NRROS: variants seen among roughly 807,000 people sequenced by gnomAD.
NRROS encodes the protein negative regulator of reactive oxygen species.
NRROS carries 6 observed loss-of-function variants against 12.0 expected under a neutral mutation model. The observed-to-expected ratio is 0.50, with a 90% CI of 0.27 to 0.98. The LOEUF is 0.98. Ranked by LOEUF, NRROS falls within the 50% of genes least tolerant of loss-of-function variation. NRROS has a pLI of 0.11. For synonymous variants in NRROS, 462 were observed against 410.2 expected (o/e 1.13, Z -1.53); for missense variants, 857 against 888.2 (o/e 0.96, Z 0.45).
intron 1 of NRROS, among the ~76,000 whole-genome samples, chr3:196,649,335 C>T (rs1362517016): frequency 6.6e-6 from 1 of 152,214 alleles, no homozygotes; most frequent in Non-Finnish European, 1.5e-5. Context: ...AAGGCAGACT[C>T]CCTTTCTTGT....
rs769994321 is a variant in NRROS at position 196,654,590 on chromosome 3, G to A, written c.51G>A (p.Val17=). The A allele has an allele frequency of 6.2e-6, 10 of 1,614,122 alleles. No homozygotes were observed. Among genetic ancestry groups the A allele is most frequent in the African/African-American group, 4.0e-5 (3 of 75,036 alleles). The change falls in exon 2 of 3, where the codon GTG becomes GTA. Residue 17 remains valine, a synonymous_variant. Coordinates refer to ENST00000328557, the MANE Select transcript of NRROS (RefSeq NM_198565.3). This position sits in a 1 kb window ranked among gnomAD's most constrained non-coding sequence, Gnocchi z 4.4. ...GCCTGGGTTTTCACTTCCTGACCGTGGGCTGGAGGAACAGAAGCGGAACAG... is the reference window on the plus strand; with the variant it reads ...GCCTGGGTTTTCACTTCCTGACCGTAGGCTGGAGGAACAGAAGCGGAACAG... ...WLCLGFHFLT[V]GWRNRSGTAT...
chr3:196,644,194 C>T (rs1392882275), intron 1 of NRROS, among the ~76,000 whole-genome samples: 1 of 152,196 alleles, frequency 6.6e-6, no homozygotes. Flanking sequence ...AGGCCTCTGA[C>T]AGCCCCCGTC....
At position 196,659,979 on chromosome 3, in the gene NRROS, G is replaced by T; in HGVS notation, c.336G>T (p.Leu112=). 6.2e-7 allele frequency: 1 copy of T among 1,613,754 alleles called. No individual in the cohort carries two copies. Among genetic ancestry groups the T allele is most frequent in the Non-Finnish European group, 8.5e-7 (1 of 1,179,864 alleles). ...QEQGHLRSLV[L]GDNCLSENYE... is the part of the protein sequence containing the mutation. ...AAGGTCACCTGCGCAGCCTGGTCCTGGGGGACAACTGCCTCTCAGAGAACT... is the reference window on the plus strand; with the variant it reads ...AAGGTCACCTGCGCAGCCTGGTCCTTGGGGACAACTGCCTCTCAGAGAACT... The change falls in exon 3 of 3, where the codon CTG becomes CTT. Residue 112 remains leucine (L), a synonymous_variant. Coordinates refer to ENST00000328557, the MANE Select transcript of NRROS (RefSeq NM_198565.3).
intron 1 of NRROS, among the ~76,000 whole-genome samples, chr3:196,648,934 T>G (rs1368132408): frequency 6.6e-6 from 1 of 152,162 alleles, no homozygotes; most frequent in Non-Finnish European, 1.5e-5. Context: ...GCCAGTTACC[T>G]TGCAGGACGT....
chr3:196,653,428 C>T (rs989099107), intron 1 of NRROS, among the ~76,000 whole-genome samples: 1 of 152,234 alleles, frequency 6.6e-6, no homozygotes, highest in African/African-American at 2.4e-5. Context: ...GTGGCTGGAG[C>T]GAGCAGGTGG....
intron 1 of NRROS, among the ~76,000 whole-genome samples, chr3:196,640,761 C>T (rs1050278801): frequency 2.0e-5 from 3 of 152,088 alleles, no homozygotes; most frequent in South Asian, 2.1e-4. Flanking sequence ...TTGGTGGCTG[C>T]GACTGGAGGA....
In NRROS at chr3:196,658,874, A is replaced by G. The variant is rs140516787; in HGVS notation, c.109-878A>G. Reference sequence around the variant, plus strand: ...AATCCCAGCTACTCGGGAGGCTGAAACAGGAGAATTGCTCGAACCCAGGAG... The same window carrying G: ...AATCCCAGCTACTCGGGAGGCTGAAGCAGGAGAATTGCTCGAACCCAGGAG... On this transcript the variant is annotated intron_variant, in intron 2 of 2. Transcript: ENST00000328557. Among the ~76,000 whole-genome samples the G allele has an allele frequency of 1.1e-3, 162 of 152,184 alleles. 1 individual carries two copies. In the East Asian group the frequency reaches 0.022, roughly 21 times the overall value.
rs1338859509 is a variant in NRROS at position 196,654,558 on chromosome 3, T to C, written c.19T>C (p.Trp7Arg). 2 of 1,613,776 alleles carry C rather than the reference T, an allele frequency of 1.2e-6. No homozygotes were observed. The highest frequency in any genetic ancestry group is 1.7e-5 in the Admixed American group (1 of 60,006). ...CCTTGAGATGGAGTTGCTGCCTCTT[T>C]GGCTCTGCCTGGGTTTTCACTTCCT... The part of the protein sequence containing the change: MELLPL[W>R]LCLGFHFLTV... The change falls in exon 2 of 3, where the codon TGG becomes CGG. Residue 7 changes from tryptophan to arginine, a missense_variant. Transcript: ENST00000328557. This position sits in a 1 kb window ranked among gnomAD's most constrained non-coding sequence, Gnocchi z 4.4.
intron 2 of NRROS, among the ~76,000 whole-genome samples, chr3:196,657,438 C>T (rs1243472977): frequency 2.6e-5 from 4 of 151,088 alleles, no homozygotes; most frequent in Non-Finnish European, 5.9e-5. Context: ...AGACACACAC[C>T]TGGCCGGGCG....
chr3:196,660,703 C>T lies in NRROS; in HGVS notation c.1060C>T (p.Leu354Phe). The part of the protein sequence containing the change: ...PDGFLRKMPS[L>F]SHLNLHQNCL... ...CGGCTTCCTGAGGAAAATGCCTTCC[C>T]TCTCCCACCTGAACCTCCACCAGAA... The change falls in exon 3 of 3, where the codon CTC (leucine) becomes TTC (phenylalanine). Residue 354 changes from leucine (L) to phenylalanine (F), a missense_variant. Transcript: ENST00000328557. The surrounding 1 kb of genome is among the most constrained non-coding windows in gnomAD (Gnocchi z 7.7). The T allele has an allele frequency of 1.2e-6, 2 of 1,614,168 alleles. No individual in the cohort carries two copies. Among genetic ancestry groups the T allele is most frequent in the Non-Finnish European group, 1.7e-6 (2 of 1,180,032 alleles).
intron 1 of NRROS, among the ~76,000 whole-genome samples, chr3:196,649,251 C>T (rs1190045761): frequency 2.6e-5 from 4 of 152,162 alleles, no homozygotes; most frequent in Admixed American, 6.5e-5. Flanking sequence ...ATCATCTGTT[C>T]TCAGTGGTCT....
chr3:196,655,691 G>A (rs1187076803), intron 2 of NRROS, among the ~76,000 whole-genome samples: 4 of 152,202 alleles, frequency 2.6e-5, no homozygotes, highest in Non-Finnish European at 5.9e-5. Flanking sequence ...GGGAGGACTT[G>A]CTGCCATGCC....
intron 2 of NRROS, 139 bp from the exon 3 acceptor site, chr3:196,659,613 C>A: frequency 2.2e-6 from 2 of 903,674 alleles, no homozygotes; most frequent in Non-Finnish European, 3.3e-6. Context: ...CCGGCCTTGT[C>A]TATCCTATTT....
Position 196,660,030 on chromosome 3 carries a change from C to A in NRROS, c.387C>A (p.His129Gln), listed in dbSNP as rs764718562. The A allele has an allele frequency of 1.2e-6, 2 of 1,613,430 alleles. No individual in the cohort carries two copies. The highest frequency in any genetic ancestry group is 8.5e-7 in the Non-Finnish European group (1 of 1,179,984). The change falls in exon 3 of 3, where the codon CAC (histidine) becomes CAA (glutamine). Residue 129 changes from histidine to glutamine, a missense_variant. Coordinates refer to ENST00000328557, the MANE Select transcript of NRROS (RefSeq NM_198565.3). The surrounding 1 kb of genome is among the most constrained non-coding windows in gnomAD (Gnocchi z 7.7). ...ENYEETAAAL[H>Q]ALPGLRRLDL... ...ACGAAGAGACGGCAGCCGCCCTCCACGCCCTGCCGGGCCTGCGGAGGCTGG... is the reference window on the plus strand; with the variant it reads ...ACGAAGAGACGGCAGCCGCCCTCCAAGCCCTGCCGGGCCTGCGGAGGCTGG...
At chr3:196,639,994 T>G (rs1208324042) in intron 1 of NRROS, 119 bp downstream of exon 1, 1 of 152,472 alleles carries the variant, frequency 6.6e-6, no homozygotes, top group East Asian at 1.9e-4. Context: ...AGCTCAGGGC[T>G]CACGAGGAAG....
intron 2 of NRROS, among the ~76,000 whole-genome samples, chr3:196,656,918 C>T (rs141764896): frequency 3.3e-4 from 50 of 152,098 alleles, no homozygotes; most frequent in Non-Finnish European, 6.6e-4. Flanking sequence ...AGAAAGTGGA[C>T]GTTGGCCAGG....
intron 1 of NRROS, among the ~76,000 whole-genome samples, chr3:196,652,086 C>T (rs116537318): frequency 0.01 from 1,523 of 152,252 alleles, 17 homozygotes; most frequent in South Asian, 0.054. Context: ...GGGGACAAAC[C>T]GCTGTCAGCC....
intron 2 of NRROS, among the ~76,000 whole-genome samples, chr3:196,657,032 C>T (rs770613348): frequency 2.6e-5 from 4 of 151,620 alleles, no homozygotes; most frequent in Non-Finnish European, 5.9e-5. Flanking sequence ...GGTGAAAGCC[C>T]GTCTCTACTA....
chr3:196,660,821 T>A lies in NRROS; in HGVS notation c.1178T>A (p.Leu393Gln), dbSNP rs1161557551. Residue 393 changes from leucine (L) to glutamine (Q), a missense_variant, in exon 3 of 3, where the codon CTG (leucine) becomes CAG (glutamine). By Grantham distance (113) the Leu-to-Gln change is moderately radical. Transcript: ENST00000328557. This position sits in a 1 kb window ranked among gnomAD's most constrained non-coding sequence, Gnocchi z 7.7. ...CACAACCAGCTGTCGGAGCTGCACC[T>A]GGCTCCGGGGCTGGCCAGCTGCCTG... is the stretch of plus-strand genomic sequence containing the variant. ...LSHNQLSELHLAPGLASCLGS... is the reference protein window; with the variant it reads ...LSHNQLSELHQAPGLASCLGS... 6.2e-7 allele frequency: 1 copy of A among 1,613,576 alleles called. No individual in the cohort carries two copies.
Sources: allele counts gnomAD v4.1 joint callset (sites outside exome capture counted in the v4.1 genomes callset), GRCh38; gene constraint gnomAD v4.1.1; non-coding constraint Gnocchi (gnomAD v3.1); transcripts MANE v1.5; gene names NCBI Gene and HGNC (gene_info 2026-07-23, HGNC 2026-07-21).